NHSL1: variants seen among roughly 807,000 people sequenced by gnomAD.
NHSL1 encodes the protein NHS like 1.
NHSL1 carries 48 observed loss-of-function variants against 95.0 expected under a neutral mutation model. The ratio of observed to expected loss-of-function variants is 0.51; its 90% CI spans 0.40 to 0.64. The LOEUF (loss-of-function observed/expected upper bound fraction) is 0.64. Among genes scored for constraint, NHSL1 ranks in the 30% least tolerant of loss-of-function variants. The probability of loss-of-function intolerance (pLI) is 0.00; values close to 1 mark genes in which losing one functional copy is unlikely to be tolerated. For synonymous variants in NHSL1, 783 were observed against 833.9 expected (o/e 0.94, Z 1.05); for missense variants, 1,971 against 2,077.7 (o/e 0.95, Z 1.00).
At chr6:138,495,524 C>G (rs149817954) in intron 2 of NHSL1, among the ~76,000 whole-genome samples, 2,880 of 152,170 alleles carry the variant, frequency 0.019, 41 homozygotes, top group Middle Eastern at 0.048. Flanking sequence ...TGAATACTTA[C>G]AATGGTTTTA....
At chr6:138,678,972 C>A (rs967537410) in intron 1 of NHSL1, among the ~76,000 whole-genome samples, 2 of 152,184 alleles carry the variant, frequency 1.3e-5, no homozygotes, top group African/African-American at 4.8e-5. Context: ...TCGCCTCCCA[C>A]CTCTATCATG....
chr6:138,652,519 T>G (rs1168309282), intron 1 of NHSL1, among the ~76,000 whole-genome samples: 1 of 151,928 alleles, frequency 6.6e-6, no homozygotes, highest in Admixed American at 6.6e-5. Context: ...TACTTTAAAA[T>G]CTAGAAAATC....
intron 3 of NHSL1, among the ~76,000 whole-genome samples, chr6:138,460,378 TG>T (rs112260646): frequency 0.14 from 21,346 of 152,132 alleles, 1,526 homozygotes; most frequent in Middle Eastern, 0.17. Context: ...CTCTATAACG[TG>T]GGGTTCTGTA....
chr6:138,541,580 G>A (rs1014469344), intron 1 of NHSL1, among the ~76,000 whole-genome samples: 7 of 151,922 alleles, frequency 4.6e-5, no homozygotes, highest in African/African-American at 1.7e-4. Context: ...ATAAGCAGGA[G>A]AATGTTGAAA....
chr6:138,612,285 C>T (rs1784524176), intron 1 of NHSL1, among the ~76,000 whole-genome samples: 1 of 152,080 alleles, frequency 6.6e-6, no homozygotes, highest in Non-Finnish European at 1.5e-5. Context: ...TAGAAACACT[C>T]ACACATATGT....
chr6:138,684,385 A>C (rs865775292), intron 1 of NHSL1, among the ~76,000 whole-genome samples: 22 of 152,010 alleles, frequency 1.4e-4, no homozygotes, highest in Admixed American at 1.3e-4. Context: ...CGGTGACTCA[A>C]GCCTGTAATC....
chr6:138,430,457 T>A lies in NHSL1; in HGVS notation c.3888A>T (p.Pro1296=), dbSNP rs1389520798. Residue 1296 remains proline, a synonymous_variant, in exon 6 of 8, where the codon CCA becomes CCT. Coordinates refer to ENST00000343505, the MANE Select transcript of NHSL1 (RefSeq NM_001144060.2). The surrounding 1 kb of genome is among the most constrained non-coding windows in gnomAD (Gnocchi z 4.7). ...CCCCAGTATCCGCACTGTTCTCGGC[T>A]GGCTCCTCCTGCTTGGGGGCTGGTG... ...DVSPAPKQEE[P]AENSADTGGD... is the part of the protein sequence containing the mutation. The A allele has an allele frequency of 6.5e-7, 1 of 1,548,186 alleles. No homozygotes were observed. Among genetic ancestry groups the A allele is most frequent in the East Asian group, 2.4e-5 (1 of 40,848 alleles).
intron 1 of NHSL1, among the ~76,000 whole-genome samples, chr6:138,524,293 C>A (rs921408559): frequency 1.3e-5 from 2 of 152,172 alleles, no homozygotes; most frequent in Non-Finnish European, 2.9e-5. Context: ...TGCAGCTCAA[C>A]GAATTGCCAC....
chr6:138,655,520 G>A lies in NHSL1; in HGVS notation c.96+36956C>T, dbSNP rs530543169. Among the ~76,000 whole-genome samples the A allele has an allele frequency of 5.9e-5, 9 of 152,254 alleles. No individual in the cohort carries two copies. The East Asian group carries it at 7.7e-4, about 13-fold the overall frequency. On this transcript the variant is annotated intron_variant, in intron 1 of 3. Transcript: ENST00000491526. ...CTGTGGAATGATGTTTTAAAAATCC[G>A]TGAAATAGACACCTAACTTGGCATG...
intron 1 of NHSL1, among the ~76,000 whole-genome samples, chr6:138,519,580 A>C (rs1217067153): frequency 6.6e-6 from 1 of 152,218 alleles, no homozygotes; most frequent in Non-Finnish European, 1.5e-5. Context: ...TCCATGATAC[A>C]TCAACCCTGT....
At chr6:138,434,047 G>A (rs113468350) in intron 5 of NHSL1, among the ~76,000 whole-genome samples, 1,761 of 152,242 alleles carry the variant, frequency 0.012, 32 homozygotes, top group African/African-American at 0.04. Flanking sequence ...GGGTGACTGT[G>A]CAGACCATCT....
At chr6:138,661,491 G>A (rs1276156855) in intron 1 of NHSL1, among the ~76,000 whole-genome samples, 18 of 145,940 alleles carry the variant, frequency 1.2e-4, no homozygotes, top group Admixed American at 4.8e-4. Context: ...CAAGCCCCCC[G>A]TCTCAAAAAA....
intron 3 of NHSL1, among the ~76,000 whole-genome samples, chr6:138,454,742 A>G (rs1028909002): frequency 6.6e-6 from 1 of 152,256 alleles, no homozygotes; most frequent in African/African-American, 2.4e-5. Flanking sequence ...AAACTATGTG[A>G]TCTTAGGCAA....
At chr6:138,664,847 A>G (rs1020846956) in intron 1 of NHSL1, among the ~76,000 whole-genome samples, 1 of 152,260 alleles carries the variant, frequency 6.6e-6, no homozygotes, top group Admixed American at 6.5e-5. Flanking sequence ...AGCTCAAGTC[A>G]GAAGGCAGTC....
intron 1 of NHSL1, among the ~76,000 whole-genome samples, chr6:138,646,733 G>A (rs1184881087): frequency 1.3e-5 from 2 of 152,214 alleles, no homozygotes; most frequent in African/African-American, 2.4e-5. Flanking sequence ...TTACAAATGT[G>A]AGGGTCTGTC....
intron 1 of NHSL1, among the ~76,000 whole-genome samples, chr6:138,643,449 T>G (rs1784981834): frequency 6.6e-6 from 1 of 152,196 alleles, no homozygotes; most frequent in African/African-American, 2.4e-5. Context: ...ATTTTATGTG[T>G]CTGGACAAAT....
chr6:138,486,392 A>C (rs1364701728), intron 2 of NHSL1, among the ~76,000 whole-genome samples: 1 of 152,150 alleles, frequency 6.6e-6, no homozygotes, highest in Non-Finnish European at 1.5e-5. Context: ...GACTTCCTTG[A>C]AACTGCCCTT....
At chr6:138,545,561 G>T in intron 1 of NHSL1, 1 of 1,156,606 alleles carries the variant, frequency 8.6e-7, no homozygotes, top group Non-Finnish European at 1.2e-6. Flanking sequence ...AGACTCTGAT[G>T]CTAAATGACA....
At chr6:138,666,820 T>A (rs1785301927) in intron 1 of NHSL1, among the ~76,000 whole-genome samples, 1 of 152,204 alleles carries the variant, frequency 6.6e-6, no homozygotes, top group South Asian at 2.1e-4. Context: ...TGACTCGCTC[T>A]GAAGAGAGGC....
Sources: gnomAD v4.1 joint callset for allele counts (sites outside exome capture counted in the v4.1 genomes callset) on GRCh38, gnomAD v4.1.1 for gene constraint, Gnocchi (gnomAD v3.1) non-coding constraint, MANE v1.5 for transcripts, NCBI Gene and HGNC (gene_info 2026-07-23, HGNC 2026-07-21) for gene names.